Variants in DNAJC10 observed in about 807,000 individuals in gnomAD.
The protein encoded by DNAJC10 is DnaJ heat shock protein family (Hsp40) member C10, also known as endoplasmic reticulum disulfide reductase DNAJC10.
A neutral mutation model predicts 115.0 loss-of-function variants in DNAJC10; 101 were observed. That is an observed-to-expected ratio of 0.88 (90% CI 0.75 to 1.04). The LOEUF (loss-of-function observed/expected upper bound fraction) is 1.04, where lower values mean the gene tolerates loss of function less well. Ranked by LOEUF, DNAJC10 falls within the 50% of genes least tolerant of loss-of-function variation. The probability of loss-of-function intolerance (pLI) is 0.00; values close to 1 mark genes in which losing one functional copy is unlikely to be tolerated. For missense variants in DNAJC10, 981 were observed against 928.8 expected (o/e 1.06, Z -0.73); for synonymous variants, 307 against 301.5 (o/e 1.02, Z -0.19).
chr2:182,763,546 A>G (rs138992119), intron 22 of DNAJC10, among the ~76,000 whole-genome samples: 5 of 152,204 alleles, frequency 3.3e-5, no homozygotes, highest in Admixed American at 1.3e-4. Context: ...GTGGCCTTGT[A>G]AAAGCACTCA....
intron 5 of DNAJC10, among the ~76,000 whole-genome samples, chr2:182,724,183 T>C (rs530917101): frequency 2.0e-5 from 3 of 152,294 alleles, no homozygotes; most frequent in East Asian, 1.9e-4. Context: ...AAGCCCTAAA[T>C]AAGACATTAC....
intron 22 of DNAJC10, 98 bp from the exon 23 acceptor site, chr2:182,775,218 A>T: frequency 1.3e-6 from 1 of 782,750 alleles, no homozygotes. Context: ...CAAGTTTTGG[A>T]ACAAAAGAAC....
chr2:182,756,533 A>G (rs1344965481), intron 18 of DNAJC10, 64 bp downstream of exon 18: 4 of 1,487,636 alleles, frequency 2.7e-6, no homozygotes, highest in Non-Finnish European at 2.7e-6. Flanking sequence ...TAACAGAATT[A>G]TTTTGAAACG....
At chr2:182,722,895 G>C (rs1574916909) in intron 5 of DNAJC10, among the ~76,000 whole-genome samples, 1 of 151,330 alleles carries the variant, frequency 6.6e-6, no homozygotes, top group East Asian at 1.9e-4. Flanking sequence ...AGCCATGATG[G>C]CACCACAAAA....
intron 3 of DNAJC10, 114 bp from the exon 4 acceptor site, chr2:182,719,893 G>T: frequency 4.2e-6 from 2 of 472,226 alleles, no homozygotes; most frequent in East Asian, 7.6e-5. Flanking sequence ...CCCTCCTTAT[G>T]TTGGTATATG....
Position 182,740,352 on chromosome 2 carries a change from T to C in DNAJC10, c.1041T>C (p.Leu347=). The C allele has an allele frequency of 6.4e-7, 1 of 1,567,208 alleles. No individual in the cohort carries two copies. ...TATATTTGGAAGTAATACATAATCT[T>C]CCAGATTTTGAACTACTTTCGGCAA... The part of the protein sequence containing the change: ...KEIYLEVIHN[L]PDFELLSANT... Residue 347 remains leucine (L), a synonymous_variant, in exon 12 of 24, where the codon CTT becomes CTC. Coordinates refer to ENST00000264065, the MANE Select transcript of DNAJC10 (RefSeq NM_018981.4).
intron 9 of DNAJC10, among the ~76,000 whole-genome samples, chr2:182,731,521 A>G (rs1693446902): frequency 1.3e-5 from 2 of 152,118 alleles, no homozygotes; most frequent in South Asian, 4.1e-4. Flanking sequence ...TCATACAATT[A>G]TATACTTGAA....
intron 4 of DNAJC10, among the ~76,000 whole-genome samples, chr2:182,721,702 A>G (rs1178896205): frequency 6.6e-6 from 1 of 152,066 alleles, no homozygotes; most frequent in African/African-American, 2.4e-5. Context: ...AAGAGTCTAT[A>G]TTTTTGCACC....
intron 11 of DNAJC10, among the ~76,000 whole-genome samples, chr2:182,737,513 T>G (rs1043203777): frequency 6.6e-6 from 1 of 152,214 alleles, no homozygotes; most frequent in Non-Finnish European, 1.5e-5. Context: ...ATTACGACTT[T>G]GTGCCAGCAA....
At chr2:182,750,111 T>TACTG (rs1322747143) in intron 14 of DNAJC10, among the ~76,000 whole-genome samples, 1 of 152,116 alleles carries the variant, frequency 6.6e-6, no homozygotes, top group African/African-American at 2.4e-5. Context: ...GCAAAGTCAG[T>TACTG]ATTACTTGGT....
intron 21 of DNAJC10, among the ~76,000 whole-genome samples, chr2:182,759,798 T>C (rs1559020722): frequency 6.6e-6 from 1 of 152,100 alleles, no homozygotes; most frequent in African/African-American, 2.4e-5. Flanking sequence ...GAACCCCCAT[T>C]CCATACCAAA....
In DNAJC10 at chr2:182,784,642, A is replaced by G. The variant is rs141888980; in HGVS notation, c.*7510A>G. The G allele has an allele frequency of 2.3e-4, 35 of 152,196 alleles. No homozygotes were observed. In the East Asian group the frequency reaches 6.7e-3, roughly 29 times the overall value. 9.4% of individuals were successfully genotyped at this position (152,196 alleles called of 1,614,324 possible). On this transcript the variant is annotated 3_prime_UTR_variant, in exon 24 of 24. Transcript: ENST00000264065. The stretch of plus-strand genomic sequence containing the variant: ...TATGCCTTAAAAATTATAAATAATG[A>G]TAAGTTTAATTTGCAGCCCTTATAG...
intron 22 of DNAJC10, among the ~76,000 whole-genome samples, chr2:182,774,316 T>TGG (rs1694646827): frequency 6.6e-6 from 1 of 152,222 alleles, no homozygotes; most frequent in Admixed American, 6.5e-5. Flanking sequence ...GGGACTCACT[T>TGG]GAAGAGGCAG....
At chr2:182,726,953 C>G (rs1260385173) in intron 5 of DNAJC10, among the ~76,000 whole-genome samples, 1 of 152,078 alleles carries the variant, frequency 6.6e-6, no homozygotes, top group Non-Finnish European at 1.5e-5. Context: ...AACTCCTGGG[C>G]TCAAGTGATC....
At chr2:182,731,517 A>G (rs950856357) in intron 9 of DNAJC10, among the ~76,000 whole-genome samples, 6 of 152,136 alleles carry the variant, frequency 3.9e-5, no homozygotes, top group South Asian at 2.1e-4. Context: ...TGCCTCATAC[A>G]ATTATATACT....
rs1179056139 is a variant in DNAJC10, at chr2:182,791,541, A to G, written c.*14409A>G. The G allele has an allele frequency of 1.3e-5, 2 of 152,216 alleles. No individual in the cohort carries two copies. Among genetic ancestry groups the G allele is most frequent in the Non-Finnish European group, 2.9e-5 (2 of 68,024 alleles). The allele number at this position is 152,216 out of a possible 1,614,324, so 9.4% of individuals were successfully genotyped here. A position where few individuals can be genotyped will look rare whatever the true frequency, so the allele number is the denominator to read the frequency against. The stretch of plus-strand genomic sequence containing the variant: ...CCATAATGATTATATAGTTGTTAGC[A>G]AAATATTGGTCAAAACTTTTTCAGT... On this transcript the variant is annotated 3_prime_UTR_variant, in exon 24 of 24. Transcript: ENST00000264065.
At chr2:182,757,024 T>C (rs1694174646) in intron 18 of DNAJC10, among the ~76,000 whole-genome samples, 1 of 152,210 alleles carries the variant, frequency 6.6e-6, no homozygotes, top group South Asian at 2.1e-4. Flanking sequence ...ATTTTTTTCC[T>C]GCTTTATTTT....
At chr2:182,758,240 G>T (rs1214803362) in intron 19 of DNAJC10, among the ~76,000 whole-genome samples, 1 of 152,078 alleles carries the variant, frequency 6.6e-6, no homozygotes, top group East Asian at 1.9e-4. Context: ...GTTATCTAAG[G>T]CTTAGATAAC....
chr2:182,756,340 C>A lies in DNAJC10; in HGVS notation c.1680C>A (p.Ser560=). The A allele has an allele frequency of 1.2e-6, 2 of 1,613,752 alleles. No individual in the cohort carries two copies. Among genetic ancestry groups the A allele is most frequent in the Non-Finnish European group, 1.7e-6 (2 of 1,179,776 alleles). ...ATCTTATGAATCCTTCAGTGGTCTC[C>A]CTTACACCCACCACCTTCAACGAAC... is the stretch of plus-strand genomic sequence containing the variant. ...IEDLMNPSVV[S]LTPTTFNELV... is the part of the protein sequence containing the mutation. Residue 560 remains serine (S), a synonymous_variant, in exon 18 of 24, where the codon TCC becomes TCA. Coordinates refer to ENST00000264065, the MANE Select transcript of DNAJC10 (RefSeq NM_018981.4).
Sources: gnomAD v4.1 joint callset for allele counts (sites outside exome capture counted in the v4.1 genomes callset) on GRCh38, gnomAD v4.1.1 for gene constraint, MANE v1.5 for transcripts, NCBI Gene and HGNC (gene_info 2026-07-23, HGNC 2026-07-21) for gene names.